The following THSD7B variants were observed in gnomAD, a reference collection of about 807,000 sequenced individuals.
THSD7B encodes the protein thrombospondin type-1 domain-containing protein 7B.
Under a neutral mutation model 213.6 loss-of-function variants are expected in THSD7B, and 138 were observed. That is an observed-to-expected ratio of 0.65 (90% CI 0.56 to 0.74). The LOEUF (loss-of-function observed/expected upper bound fraction) is 0.74, where lower values mean the gene tolerates loss of function less well. Among genes scored for constraint, THSD7B ranks in the 30% least tolerant of loss-of-function variants. THSD7B has a pLI of 0.00. For synonymous variants in THSD7B, 742 were observed against 687.0 expected (o/e 1.08, Z -1.25); for missense variants, 1,931 against 1,991.5 (o/e 0.97, Z 0.58).
chr2:136,929,598 G>A (rs544407567), intron 2 of THSD7B, among the ~76,000 whole-genome samples: 1 of 152,274 alleles, frequency 6.6e-6, no homozygotes, highest in African/African-American at 2.4e-5. Context: ...ACTGATGTCA[G>A]CTCAATTAAG....
At chr2:137,482,848 G>T (rs1688338492) in intron 15 of THSD7B, among the ~76,000 whole-genome samples, 1 of 152,166 alleles carries the variant, frequency 6.6e-6, no homozygotes, top group Admixed American at 6.5e-5. Context: ...GAGAGGAAAG[G>T]CAGGAAGTGG....
At chr2:137,277,725 G>T (rs1434023604) in intron 12 of THSD7B, among the ~76,000 whole-genome samples, 1 of 152,114 alleles carries the variant, frequency 6.6e-6, no homozygotes, top group Admixed American at 6.6e-5. Flanking sequence ...CTAAGTGTTG[G>T]CAAGGGTGAA....
intron 17 of THSD7B, among the ~76,000 whole-genome samples, chr2:137,581,613 G>A (rs563731294): frequency 1.3e-5 from 2 of 151,710 alleles, no homozygotes; most frequent in East Asian, 1.9e-4. Context: ...GAGAGACTCC[G>A]TTTCAAAAAT....
chr2:137,094,869 T>G lies in THSD7B; in HGVS notation c.951-4T>G. Reference sequence around the variant, plus strand: ...CTCCTATTTTCTACTTCTGTTTTTTTCAGCCTTTGCCTTCAAGATTCCTTC... The same window carrying G: ...CTCCTATTTTCTACTTCTGTTTTTTGCAGCCTTTGCCTTCAAGATTCCTTC... On this transcript the variant is annotated splice_polypyrimidine_tract_variant and splice_region_variant and intron_variant, in intron 3 of 27. Coordinates refer to ENST00000409968, the MANE Select transcript of THSD7B (RefSeq NM_001316349.2). 6.2e-7 allele frequency: 1 copy of G among 1,608,604 alleles called. No individual in the cohort carries two copies. Among genetic ancestry groups the G allele is most frequent in the Non-Finnish European group, 8.5e-7 (1 of 1,175,910 alleles).
Position 137,319,226 on chromosome 2 carries a change from T to C in THSD7B, c.2500+43200T>C, listed in dbSNP as rs573519388. ...ACTATACTGTAAGTATATATTTCTTTTTTTTTTTTTTTGAAGGACATGTAA... is the reference window on the plus strand; with the variant it reads ...ACTATACTGTAAGTATATATTTCTTCTTTTTTTTTTTTGAAGGACATGTAA... On this transcript the variant is annotated intron_variant, in intron 12 of 27. Coordinates refer to ENST00000409968, the MANE Select transcript of THSD7B (RefSeq NM_001316349.2). 2.0e-5 allele frequency among the ~76,000 whole-genome samples: 3 copies of C among 150,854 alleles called. No homozygotes were observed. In the East Asian group the frequency reaches 5.8e-4, roughly 29 times the overall value.
intron 9 of THSD7B, among the ~76,000 whole-genome samples, chr2:137,241,911 GAAAA>G (rs201903054): frequency 9.5e-6 from 1 of 105,582 alleles, no homozygotes; most frequent in East Asian, 2.7e-4. Flanking sequence ...TCCATCTCAG[GAAAA>G]AAAAAAAAAA....
chr2:137,320,082 T>C (rs1311230934), intron 12 of THSD7B, among the ~76,000 whole-genome samples: 3 of 152,194 alleles, frequency 2.0e-5, no homozygotes, highest in Non-Finnish European at 2.9e-5. Flanking sequence ...AGATTTCTTT[T>C]ATAAGAGAAA....
At chr2:137,195,609 A>T (rs555141562) in intron 7 of THSD7B, among the ~76,000 whole-genome samples, 1 of 152,084 alleles carries the variant, frequency 6.6e-6, no homozygotes, top group East Asian at 1.9e-4. Flanking sequence ...TTTAACTGTT[A>T]TAACTATTAA....
At chr2:137,458,992 G>A (rs1363706438) in intron 15 of THSD7B, among the ~76,000 whole-genome samples, 4 of 151,940 alleles carry the variant, frequency 2.6e-5, no homozygotes, top group African/African-American at 7.3e-5. Context: ...CATCAAACTA[G>A]ATCCTGTCCA....
chr2:137,163,089 C>T (rs1465678381), intron 6 of THSD7B, among the ~76,000 whole-genome samples: 1 of 152,142 alleles, frequency 6.6e-6, no homozygotes, highest in African/African-American at 2.4e-5. Flanking sequence ...TAATTCGGAA[C>T]TGGCCCATGG....
rs116233716 is a variant in THSD7B at position 137,182,153 on chromosome 2, A to G, written c.1723+11215A>G. 2.0e-3 allele frequency among the ~76,000 whole-genome samples: 308 copies of G among 152,288 alleles called. 3 individuals are homozygous for G. Among genetic ancestry groups the G allele is most frequent in the African/African-American group, 6.9e-3 (288 of 41,566 alleles). On this transcript the variant is annotated intron_variant, in intron 7 of 27. Transcript: ENST00000409968. Reference sequence around the variant, plus strand: ...TATGAGAAGATAATATGAAAGGGAAAGTATAACTACCTCTTTAGAGAAATA... The same window carrying G: ...TATGAGAAGATAATATGAAAGGGAAGGTATAACTACCTCTTTAGAGAAATA...
chr2:137,560,839 CAT>C (rs1330837831), intron 15 of THSD7B, among the ~76,000 whole-genome samples: 10 of 152,096 alleles, frequency 6.6e-5, no homozygotes, highest in Admixed American at 3.9e-4. Context: ...CAGCCCCAAA[CAT>C]GTGTACTCTG....
intron 1 of THSD7B, among the ~76,000 whole-genome samples, chr2:136,855,760 T>C (rs1221616701): frequency 6.6e-6 from 1 of 151,876 alleles, no homozygotes; most frequent in Non-Finnish European, 1.5e-5. Context: ...GCGTGAGCCA[T>C]CACGCCCGGG....
chr2:137,182,575 C>T (rs558236068), intron 7 of THSD7B, among the ~76,000 whole-genome samples: 66 of 152,176 alleles, frequency 4.3e-4, no homozygotes, highest in African/African-American at 1.3e-3. Context: ...TGTATGTTTC[C>T]GCATCCTGTA....
chr2:137,332,889 T>C (rs1684548242), intron 12 of THSD7B, among the ~76,000 whole-genome samples: 1 of 152,146 alleles, frequency 6.6e-6, no homozygotes, highest in African/African-American at 2.4e-5. Context: ...GAACTGTGAG[T>C]CAATTAAACC....
chr2:137,152,284 AC>A (rs888535346), intron 5 of THSD7B, among the ~76,000 whole-genome samples: 1 of 152,046 alleles, frequency 6.6e-6, no homozygotes, highest in Non-Finnish European at 1.5e-5. Flanking sequence ...ACATTTTTAA[AC>A]CTATTTTTTT....
chr2:137,378,387 A>C (rs1029259055), intron 12 of THSD7B, among the ~76,000 whole-genome samples: 10 of 152,154 alleles, frequency 6.6e-5, no homozygotes, highest in Admixed American at 6.5e-4. Context: ...ATTTCTACTC[A>C]GAGTGTATAT....
intron 12 of THSD7B, among the ~76,000 whole-genome samples, chr2:137,394,231 G>A (rs1302731982): frequency 2.9e-5 from 3 of 104,686 alleles, no homozygotes; most frequent in Admixed American, 2.0e-4. Flanking sequence ...CATGAAGTCC[G>A]TGCCCATGCC....
intron 15 of THSD7B, among the ~76,000 whole-genome samples, chr2:137,505,479 C>A (rs1397369956): frequency 6.6e-6 from 1 of 152,146 alleles, no homozygotes; most frequent in East Asian, 1.9e-4. Context: ...TCACTGGCAA[C>A]CTGGGAAGCC....
Sources: gnomAD v4.1 joint callset for allele counts (sites outside exome capture counted in the v4.1 genomes callset) on GRCh38, gnomAD v4.1.1 for gene constraint, MANE v1.5 for transcripts, NCBI Gene and HGNC (gene_info 2026-07-23, HGNC 2026-07-21) for gene names.